SAV1: variants seen among roughly 807,000 people sequenced by gnomAD.
SAV1 encodes the protein protein salvador homolog 1.
In SAV1, 23 loss-of-function variants were observed where a neutral mutation model predicts 47.3. The observed-to-expected ratio is 0.49, with a 90% CI of 0.35 to 0.69. The LOEUF is 0.69. Among genes scored for constraint, SAV1 ranks in the 30% least tolerant of loss-of-function variants. SAV1 has a pLI of 0.01. For synonymous variants in SAV1, 155 were observed against 159.2 expected, an observed-to-expected ratio of 0.97 and a Z score of 0.20; for missense variants, 448 against 457.4, an observed-to-expected ratio of 0.98 and a Z score of 0.19.
intron 2 of SAV1, among the ~76,000 whole-genome samples, chr14:50,659,293 T>G (rs74450583): frequency 2.0e-5 from 3 of 152,204 alleles, no homozygotes; most frequent in Admixed American, 6.5e-5. Context: ...ACTACTGTAT[T>G]GCAGGAGGCA....
intron 4 of SAV1, among the ~76,000 whole-genome samples, chr14:50,638,715 A>G (rs907581624): frequency 7.2e-5 from 11 of 152,206 alleles, no homozygotes; most frequent in African/African-American, 9.6e-5. Context: ...GAGAAATAAC[A>G]GAAAGTAAAT....
At chr14:50,645,145 T>C (rs1051892319) in intron 2 of SAV1, 131 bp from the exon 3 acceptor site, 11 of 758,132 alleles carry the variant, frequency 1.5e-5, no homozygotes, top group Non-Finnish European at 2.1e-5. Context: ...ATTATGCCCA[T>C]TATGATGGTT....
rs1312557169 is a variant in SAV1, at chr14:50,665,183, A to G, written c.531T>C (p.Ala177=). ...QRMPQNQGRH[A]SGIGRVAATS... ...TTATTTATAATGTTAAGCTACCTGA[A>G]GCATGCCTCCCCTGATTCTGTGGCA... Residue 177 remains alanine, a synonymous_variant, in exon 2 of 5, where the codon GCT becomes GCC. Transcript: ENST00000324679. 3 of 1,563,598 alleles carry G rather than the reference A, an allele frequency of 1.9e-6. No homozygotes were observed. In the African/African-American group the frequency reaches 4.2e-5, roughly 22 times the overall value.
rs376882308 is a variant in SAV1, at chr14:50,667,993, G to A, written c.-26C>T. The A allele has an allele frequency of 1.4e-4, 225 of 1,590,798 alleles. No homozygotes were observed. Among genetic ancestry groups the A allele is most frequent in the Non-Finnish European group, 1.8e-4 (210 of 1,165,862 alleles). On this transcript the variant is annotated 5_prime_UTR_variant, in exon 1 of 5. Transcript: ENST00000324679. Reference sequence around the variant, plus strand: ...CCTTCTCGACGAGGCCCGAGGCCGCGCTGAACTGCCTCCCTAGGGCTCCGC... The same window carrying A: ...CCTTCTCGACGAGGCCCGAGGCCGCACTGAACTGCCTCCCTAGGGCTCCGC...
intron 4 of SAV1, among the ~76,000 whole-genome samples, chr14:50,637,110 A>G (rs752602457): frequency 5.3e-5 from 8 of 152,234 alleles, no homozygotes; most frequent in Non-Finnish European, 1.0e-4. Flanking sequence ...TGTGTAACAG[A>G]AATGTCAGTA....
chr14:50,658,710 C>G (rs998439657), intron 2 of SAV1, among the ~76,000 whole-genome samples: 3 of 152,164 alleles, frequency 2.0e-5, no homozygotes, highest in Non-Finnish European at 4.4e-5. Flanking sequence ...ATAGATCTAT[C>G]GCACAAACCT....
chr14:50,642,146 A>C (rs2039685319), intron 3 of SAV1, among the ~76,000 whole-genome samples: 1 of 152,164 alleles, frequency 6.6e-6, no homozygotes, highest in African/African-American at 2.4e-5. Context: ...GTAGGAGCTA[A>C]ACACTGAGTA....
chr14:50,635,156 C>A lies in SAV1; in HGVS notation c.*27G>T. On this transcript the variant is annotated 3_prime_UTR_variant, in exon 5 of 5. Transcript: ENST00000324679. ...CTGTGAAAATATTTTAAAGCTCTTA[C>A]AAAACTTAAATTTTTAAAAAATCAG... 6.3e-7 allele frequency: 1 copy of A among 1,587,008 alleles called. No individual in the cohort carries two copies. The highest frequency in any genetic ancestry group is 1.1e-5 in the South Asian group (1 of 89,762).
At chr14:50,649,244 G>A (rs1474710668) in intron 2 of SAV1, among the ~76,000 whole-genome samples, 2 of 152,056 alleles carry the variant, frequency 1.3e-5, no homozygotes, top group Admixed American at 6.6e-5. Context: ...TCTACTTACC[G>A]TTTTACTTTT....
intron 2 of SAV1, among the ~76,000 whole-genome samples, chr14:50,653,204 C>T (rs1028251485): frequency 1.3e-5 from 2 of 152,064 alleles, no homozygotes; most frequent in Non-Finnish European, 2.9e-5. Flanking sequence ...TGGAATGAAT[C>T]CTAGAACAGA....
intron 2 of SAV1, among the ~76,000 whole-genome samples, chr14:50,648,438 A>AT (rs2039740091): frequency 1.3e-5 from 2 of 152,162 alleles, no homozygotes; most frequent in Non-Finnish European, 2.9e-5. Flanking sequence ...AATTTACTAT[A>AT]CTTTTTAAAA....
chr14:50,660,309 C>G (rs1219940632), intron 2 of SAV1, among the ~76,000 whole-genome samples: 1 of 152,196 alleles, frequency 6.6e-6, no homozygotes, highest in Non-Finnish European at 1.5e-5. Flanking sequence ...CTTTAAATAT[C>G]TTAGCTTCTC....
chr14:50,661,455 C>G (rs1422864655), intron 2 of SAV1, among the ~76,000 whole-genome samples: 1 of 152,154 alleles, frequency 6.6e-6, no homozygotes, highest in Non-Finnish European at 1.5e-5. Flanking sequence ...TTAATATAGT[C>G]CCATATGTCT....
At position 50,635,061 on chromosome 14, in the gene SAV1, G is replaced by T; in HGVS notation, c.*122C>A. On this transcript the variant is annotated 3_prime_UTR_variant, in exon 5 of 5. Coordinates refer to ENST00000324679, the MANE Select transcript of SAV1 (RefSeq NM_021818.4). Reference sequence around the variant, plus strand: ...TTTCTAATAACAAAATACATGTAAAGTTAGAATTTTATAATTTCCACAAAG... The same window carrying T: ...TTTCTAATAACAAAATACATGTAAATTTAGAATTTTATAATTTCCACAAAG... The T allele has an allele frequency of 1.4e-6, 1 of 707,976 alleles. No homozygotes were observed. The highest frequency in any genetic ancestry group is 2.0e-5 in the South Asian group (1 of 51,128). The allele number at this position is 707,976 out of a possible 1,614,324, so 43.9% of individuals were successfully genotyped here. A position where few individuals can be genotyped will look rare whatever the true frequency, so the allele number is the denominator to read the frequency against.
intron 2 of SAV1, among the ~76,000 whole-genome samples, chr14:50,651,436 C>A (rs934562312): frequency 2.0e-5 from 3 of 152,072 alleles, no homozygotes; most frequent in Admixed American, 6.6e-5. Context: ...TAAATGCATT[C>A]TGTTTTATCA....
chr14:50,664,940 C>A, intron 2 of SAV1: 1 of 409,112 alleles, frequency 2.4e-6, no homozygotes. Context: ...GTCTAGACAG[C>A]CTTGAGATAA....
At chr14:50,666,796 A>C (rs1437295898) in intron 1 of SAV1, among the ~76,000 whole-genome samples, 1 of 149,880 alleles carries the variant, frequency 6.7e-6, no homozygotes, top group Admixed American at 6.6e-5. Flanking sequence ...AAAAAAAAAA[A>C]CAACTTAAAA....
At chr14:50,647,542 G>A (rs1446198542) in intron 2 of SAV1, among the ~76,000 whole-genome samples, 1 of 151,904 alleles carries the variant, frequency 6.6e-6, no homozygotes, top group Non-Finnish European at 1.5e-5. Context: ...ACTCCGGTCT[G>A]TGCAACAGAG....
intron 2 of SAV1, among the ~76,000 whole-genome samples, chr14:50,646,639 C>G (rs956206491): frequency 3.4e-5 from 5 of 146,718 alleles, no homozygotes; most frequent in African/African-American, 5.1e-5. Context: ...GAGCTGAGAA[C>G]GCGCCATTAC....
Sources: allele counts gnomAD v4.1 joint callset (sites outside exome capture counted in the v4.1 genomes callset), GRCh38; gene constraint gnomAD v4.1.1; transcripts MANE v1.5; gene names NCBI Gene and HGNC (gene_info 2026-07-23, HGNC 2026-07-21).